The following TEK variants were observed in gnomAD, a reference collection of about 807,000 sequenced individuals.
The protein encoded by TEK is angiopoietin-1 receptor.
TEK carries 43 observed loss-of-function variants against 131.8 expected under a neutral mutation model. The observed-to-expected ratio is 0.33, with a 90% CI of 0.26 to 0.42. The LOEUF is 0.42. Ranked by LOEUF, TEK falls within the 10% of genes least tolerant of loss-of-function variation. The pLI is 1.00. For synonymous variants in TEK, 580 were observed against 491.6 expected (o/e 1.18, Z -2.38); for missense variants, 1,162 against 1,384.4 (o/e 0.84, Z 2.55).
chr9:27,157,771 T>G lies in TEK; in HGVS notation c.53-60T>G, dbSNP rs548644482. ...AGACAAGGCTTTGTGAGCACCAGTT[T>G]ACCCAATGGGGTCATGTTAATAACC... On this transcript the variant is annotated intron_variant, in intron 1 of 22. Transcript: ENST00000380036. 3.8e-6 allele frequency: 6 copies of G among 1,576,328 alleles called. No homozygotes were observed. The East Asian group carries it at 6.7e-5, about 18-fold the overall frequency.
chr9:27,183,789 T>C (rs1824489091), intron 8 of TEK, among the ~76,000 whole-genome samples, 179 bp downstream of exon 8: 1 of 152,164 alleles, frequency 6.6e-6, no homozygotes, highest in Non-Finnish European at 1.5e-5. Context: ...CCTCACTGAT[T>C]TCTTCTGTTG....
chr9:27,220,505 C>T lies in TEK; in HGVS notation c.3200+360C>T, dbSNP rs183668609. ...AGATTAATTAAGAAGGATACATTTT[C>T]GGGCTGGCAAGATGGCTGAATAGGA... On this transcript the variant is annotated intron_variant, in intron 21 of 22. Transcript: ENST00000380036. Among the ~76,000 whole-genome samples the T allele has an allele frequency of 6.6e-5, 10 of 152,276 alleles. No homozygotes were observed. In the East Asian group the frequency reaches 7.7e-4, roughly 12 times the overall value.
chr9:27,151,590 TA>T (rs1823128479), intron 1 of TEK, among the ~76,000 whole-genome samples: 1 of 152,238 alleles, frequency 6.6e-6, no homozygotes, highest in African/African-American at 2.4e-5. Context: ...TCAAGTCTGA[TA>T]AAGTTTACCA....
intron 1 of TEK, among the ~76,000 whole-genome samples, chr9:27,135,473 C>T (rs1346425797): frequency 6.6e-6 from 1 of 152,098 alleles, no homozygotes; most frequent in African/African-American, 2.4e-5. Context: ...AATCACAAAT[C>T]ATCATCACCT....
chr9:27,164,618 C>T (rs1823662498), intron 2 of TEK, among the ~76,000 whole-genome samples: 1 of 152,130 alleles, frequency 6.6e-6, no homozygotes, highest in African/African-American at 2.4e-5. Flanking sequence ...TACGCCTGGC[C>T]TACAGTCTTG....
chr9:27,143,213 C>G (rs909405071), intron 1 of TEK, among the ~76,000 whole-genome samples: 1 of 152,132 alleles, frequency 6.6e-6, no homozygotes. Context: ...GTGATTGAAA[C>G]TAGAGAGAGC....
intron 20 of TEK, among the ~76,000 whole-genome samples, chr9:27,219,423 T>TG (rs1424204252): frequency 1.3e-5 from 2 of 151,826 alleles, no homozygotes; most frequent in Admixed American, 6.6e-5. Context: ...CACTCATAAG[T>TG]GGGGGTTGAA....
intron 1 of TEK, among the ~76,000 whole-genome samples, chr9:27,136,947 C>T (rs747622995): frequency 3.3e-4 from 50 of 152,206 alleles, no homozygotes; most frequent in Admixed American, 5.9e-4. Context: ...AATGGAGTCT[C>T]GCTCTGTCAC....
intron 1 of TEK, among the ~76,000 whole-genome samples, chr9:27,125,583 T>G (rs968837581): frequency 6.6e-6 from 1 of 152,224 alleles, no homozygotes; most frequent in African/African-American, 2.4e-5. Flanking sequence ...AAATCTGGGT[T>G]GGAGCCCCAT....
chr9:27,154,705 C>A (rs1214903980), intron 1 of TEK, among the ~76,000 whole-genome samples: 1 of 152,172 alleles, frequency 6.6e-6, no homozygotes, highest in Non-Finnish European at 1.5e-5. Context: ...ATACCCAAAG[C>A]TCACATAGAA....
intron 6 of TEK, among the ~76,000 whole-genome samples, chr9:27,178,133 G>A (rs1196698163): frequency 6.6e-6 from 1 of 152,058 alleles, no homozygotes; most frequent in Non-Finnish European, 1.5e-5. Context: ...TTTGTTTTGA[G>A]TTTTGAATAT....
intron 21 of TEK, among the ~76,000 whole-genome samples, chr9:27,225,871 G>A (rs1308615076): frequency 6.6e-6 from 1 of 152,046 alleles, no homozygotes; most frequent in East Asian, 1.9e-4. Context: ...AATCTACAAA[G>A]CACTTCAACA....
At position 27,220,122 on chromosome 9, in the gene TEK, G is replaced by A. The variant is rs2131246957; in HGVS notation, c.3177G>A (p.Lys1059=). Residue 1059 remains lysine, a synonymous_variant, in exon 21 of 23, where the codon AAG becomes AAA. Transcript: ENST00000380036. Reference sequence around the variant, plus strand: ...TGCCCCAGGGCTACAGACTGGAGAAGCCCCTGAACTGTGATGATGAGGTGT... The same window carrying A: ...TGCCCCAGGGCTACAGACTGGAGAAACCCCTGAACTGTGATGATGAGGTGT... ...EKLPQGYRLE[K]PLNCDDEVYD... 1 of 1,613,988 alleles carries A rather than the reference G, an allele frequency of 6.2e-7. No homozygotes were observed. The highest frequency in any genetic ancestry group is 8.5e-7 in the Non-Finnish European group (1 of 1,179,970).
intron 1 of TEK, among the ~76,000 whole-genome samples, chr9:27,129,145 G>A (rs1433611701): frequency 3.9e-5 from 6 of 152,080 alleles, no homozygotes; most frequent in Non-Finnish European, 5.9e-5. Context: ...TTTGAGATAT[G>A]TCCTATCAAT....
At chr9:27,142,696 A>G (rs761643132) in intron 1 of TEK, among the ~76,000 whole-genome samples, 14 of 152,342 alleles carry the variant, frequency 9.2e-5, no homozygotes, top group Non-Finnish European at 1.8e-4. Flanking sequence ...GGATATGGAG[A>G]AGCTACTGTG....
At chr9:27,201,500 T>C (rs1587006187) in intron 12 of TEK, among the ~76,000 whole-genome samples, 1 of 152,120 alleles carries the variant, frequency 6.6e-6, no homozygotes, top group African/African-American at 2.4e-5. Context: ...TATAAAAATA[T>C]ACAAAAGACT....
At chr9:27,191,142 CT>C (rs1824805704) in intron 10 of TEK, among the ~76,000 whole-genome samples, 1 of 152,032 alleles carries the variant, frequency 6.6e-6, no homozygotes, top group African/African-American at 2.4e-5. Flanking sequence ...CATTTCATGT[CT>C]TGCCCTGTCC....
intron 1 of TEK, among the ~76,000 whole-genome samples, chr9:27,146,961 C>A (rs930434734): frequency 6.6e-6 from 1 of 152,086 alleles, no homozygotes; most frequent in Non-Finnish European, 1.5e-5. Context: ...GATCTCCTGA[C>A]CTTGTGATCT....
intron 1 of TEK, among the ~76,000 whole-genome samples, chr9:27,142,787 A>T (rs1183698003): frequency 6.6e-6 from 1 of 152,254 alleles, no homozygotes; most frequent in African/African-American, 2.4e-5. Flanking sequence ...TCCTTTAGTC[A>T]TCGCTGTTGC....
Sources: allele counts gnomAD v4.1 joint callset (sites outside exome capture counted in the v4.1 genomes callset), GRCh38; gene constraint gnomAD v4.1.1; transcripts MANE v1.5; gene names NCBI Gene and HGNC (gene_info 2026-07-23, HGNC 2026-07-21).